The following SHE variants were observed in gnomAD, a reference collection of about 807,000 sequenced individuals.
The protein encoded by SHE is Src homology 2 domain containing E, also known as SH2 domain-containing adapter protein E.
In SHE, 11 loss-of-function variants were observed where a neutral mutation model predicts 49.8. The ratio of observed to expected loss-of-function variants is 0.22; its 90% CI spans 0.14 to 0.37. The LOEUF is 0.37. Ranked by LOEUF, SHE falls within the 10% of genes least tolerant of loss-of-function variation. The pLI, the probability that SHE is intolerant of heterozygous loss-of-function variation, is 1.00. For synonymous variants in SHE, 310 were observed against 278.1 expected (o/e 1.11, Z -1.14); for missense variants, 624 against 655.5 (o/e 0.95, Z 0.52).
At chr1:154,488,261 T>A (rs1032894248) in intron 3 of SHE, among the ~76,000 whole-genome samples, 14 of 151,316 alleles carry the variant, frequency 9.3e-5, no homozygotes, top group African/African-American at 3.4e-4. Context: ...TTTGTATAAT[T>A]ATTATTATTA....
intron 2 of SHE, among the ~76,000 whole-genome samples, chr1:154,492,036 G>C (rs867390590): frequency 1.3e-5 from 2 of 152,262 alleles, no homozygotes. Context: ...GGTCCGTGGA[G>C]AAATGCCACT....
chr1:154,495,359 A>T (rs1692493616), intron 2 of SHE, among the ~76,000 whole-genome samples: 1 of 152,266 alleles, frequency 6.6e-6, no homozygotes, highest in Non-Finnish European at 1.5e-5. Flanking sequence ...ACAGAGGTTT[A>T]TATTAATATT....
rs955480037 is a variant in SHE at position 154,480,913 on chromosome 1, A to AT, written c.*3235dup. On this transcript the variant is annotated 3_prime_UTR_variant, in exon 6 of 6. Coordinates refer to ENST00000304760, the MANE Select transcript of SHE (RefSeq NM_001010846.3). ...ACTTGTCCAGTCATCGCAAGCAAGT[A>AT]TTTTTTTTAAAGAAGGTGTGATCAA... The AT allele has an allele frequency of 2.3e-4, 223 of 985,060 alleles. No homozygotes were observed. Among genetic ancestry groups the AT allele is most frequent in the Non-Finnish European group, 2.6e-4 (218 of 829,830 alleles). The allele number at this position is 985,060 out of a possible 1,614,324, so 61.0% of individuals were successfully genotyped here.
intron 2 of SHE, among the ~76,000 whole-genome samples, chr1:154,493,900 G>A (rs931832460): frequency 5.9e-5 from 9 of 152,156 alleles, no homozygotes; most frequent in African/African-American, 1.9e-4. Flanking sequence ...TGACAGATGT[G>A]TTACCCCATT....
At position 154,494,074 on chromosome 1, in the gene SHE, C is replaced by G. The variant is rs549214427; in HGVS notation, c.719-4718G>C. Reference sequence around the variant, plus strand: ...TCCCCTAATCCATTTTAACCCATTTCATGTTTCCAAAACATTAAACTTGGA... The same window carrying G: ...TCCCCTAATCCATTTTAACCCATTTGATGTTTCCAAAACATTAAACTTGGA... On this transcript the variant is annotated intron_variant, in intron 2 of 5. Coordinates refer to ENST00000304760, the MANE Select transcript of SHE (RefSeq NM_001010846.3). Among the ~76,000 whole-genome samples, 10 of 152,172 alleles carry G rather than the reference C, an allele frequency of 6.6e-5. No individual in the cohort carries two copies. The South Asian group carries it at 2.1e-3, about 31-fold the overall frequency.
At chr1:154,492,064 A>G (rs1394598526) in intron 2 of SHE, among the ~76,000 whole-genome samples, 4 of 152,200 alleles carry the variant, frequency 2.6e-5, no homozygotes, top group African/African-American at 9.6e-5. Flanking sequence ...TAAGACCTCT[A>G]TAACAAAAAG....
chr1:154,472,645 T>C (rs984624985), intron 1 of SHE, among the ~76,000 whole-genome samples: 1 of 152,194 alleles, frequency 6.6e-6, no homozygotes, highest in African/African-American at 2.4e-5. Flanking sequence ...CACAGTAGCA[T>C]GAGTGTAAGT....
rs941510764 is a variant in SHE, at chr1:154,481,323, A to C, written c.*2826T>G. ...ACCTCTGACTTCCCACTAATTTACT[A>C]TATTTCTTCTTATAACCTCCTGTAC... On this transcript the variant is annotated 3_prime_UTR_variant, in exon 6 of 6. Coordinates refer to ENST00000304760, the MANE Select transcript of SHE (RefSeq NM_001010846.3). The C allele has an allele frequency of 3.0e-6, 3 of 985,320 alleles. No individual in the cohort carries two copies. Among genetic ancestry groups the C allele is most frequent in the East Asian group, 1.1e-4 (1 of 8,832 alleles). 61.0% of individuals were successfully genotyped at this position (985,320 alleles called of 1,614,324 possible).
intron 2 of SHE, among the ~76,000 whole-genome samples, chr1:154,494,244 G>A (rs1202813727): frequency 6.6e-6 from 1 of 151,972 alleles, no homozygotes; most frequent in Non-Finnish European, 1.5e-5. Flanking sequence ...AACAAAAGCA[G>A]GTACAATTCA....
exon 2 of SHE, chr1:154,470,250 C>T: frequency 1.6e-6 from 2 of 1,228,856 alleles, no homozygotes; most frequent in African/African-American, 1.5e-5. Context: ...CGGGAGTGGG[C>T]ACTGGAGCCA....
At chr1:154,475,253 C>T (rs2149286926), downstream of SHE, among the ~76,000 whole-genome samples, 1 of 152,314 alleles carries the variant, frequency 6.6e-6, no homozygotes, top group East Asian at 1.9e-4. Context: ...ACGGCGTGAT[C>T]TTGGCTCACC....
chr1:154,493,701 T>C (rs967103146), intron 2 of SHE, among the ~76,000 whole-genome samples: 1 of 152,200 alleles, frequency 6.6e-6, no homozygotes, highest in Non-Finnish European at 1.5e-5. Context: ...CAAGAAAGTC[T>C]TAGCAGAAGA....
chr1:154,481,453 A>T lies in SHE; in HGVS notation c.*2696T>A. 2.0e-6 allele frequency: 2 copies of T among 985,458 alleles called. No homozygotes were observed. The highest frequency in any genetic ancestry group is 2.4e-6 in the Non-Finnish European group (2 of 829,924). 61.0% of individuals were successfully genotyped at this position (985,458 alleles called of 1,614,324 possible). ...CACAGAGAAACAGTATAGAAGAAGCATAATACTGGGCATATGACAGAAGCT... is the reference window on the plus strand; with the variant it reads ...CACAGAGAAACAGTATAGAAGAAGCTTAATACTGGGCATATGACAGAAGCT... On this transcript the variant is annotated 3_prime_UTR_variant, in exon 6 of 6. Coordinates refer to ENST00000304760, the MANE Select transcript of SHE (RefSeq NM_001010846.3).
At chr1:154,500,472 T>C (rs191526127) in intron 1 of SHE, among the ~76,000 whole-genome samples, 3 of 152,362 alleles carry the variant, frequency 2.0e-5, no homozygotes, top group Admixed American at 2.0e-4. Context: ...GCATGTGTTA[T>C]GGGCTCTTGA....
rs879428406 is a variant in SHE, at chr1:154,482,358, T to C, written c.*1791A>G. 45 of 985,206 alleles carry C rather than the reference T, an allele frequency of 4.6e-5. No homozygotes were observed. The highest frequency in any genetic ancestry group is 5.3e-5 in the Non-Finnish European group (44 of 829,914). 61.0% of individuals were successfully genotyped at this position (985,206 alleles called of 1,614,324 possible). A position where few individuals can be genotyped will look rare whatever the true frequency, so the allele number is the denominator to read the frequency against. ...ATCATTGTGTTCCAGTGAGGAAAAG[T>C]TCCTCTTAAATTTTTAAAATCAAAG... On this transcript the variant is annotated 3_prime_UTR_variant, in exon 6 of 6. Transcript: ENST00000304760.
intron 2 of SHE, among the ~76,000 whole-genome samples, chr1:154,491,842 T>C (rs988865547): frequency 4.6e-5 from 7 of 151,986 alleles, no homozygotes; most frequent in African/African-American, 1.7e-4. Flanking sequence ...GGACGGCAGA[T>C]TGAAAACGAG....
chr1:154,489,499 G>T, intron 2 of SHE, 143 bp from the exon 3 acceptor site: 1 of 1,025,574 alleles, frequency 9.8e-7, no homozygotes, highest in Non-Finnish European at 1.4e-6. Flanking sequence ...CTCCAAGATT[G>T]CTCCCTGATA....
rs1267947078 is a variant in SHE, at chr1:154,480,143, A to G, written c.*4006T>C. 1 of 985,350 alleles carries G rather than the reference A, an allele frequency of 1.0e-6. No individual in the cohort carries two copies. The highest frequency in any genetic ancestry group is 1.7e-5 in the African/African-American group (1 of 57,250). The allele number at this position is 985,350 out of a possible 1,614,324, so 61.0% of individuals were successfully genotyped here. A position where few individuals can be genotyped will look rare whatever the true frequency, so the allele number is the denominator to read the frequency against. Reference sequence around the variant, plus strand: ...GGGCACAAAAATTGGAAATGAGAATACAGAAGAGTGATTCTAACCAGGTCA... The same window carrying G: ...GGGCACAAAAATTGGAAATGAGAATGCAGAAGAGTGATTCTAACCAGGTCA... On this transcript the variant is annotated 3_prime_UTR_variant, in exon 6 of 6. Coordinates refer to ENST00000304760, the MANE Select transcript of SHE (RefSeq NM_001010846.3).
chr1:154,495,581 T>C (rs1692503187), intron 2 of SHE, among the ~76,000 whole-genome samples: 2 of 152,118 alleles, frequency 1.3e-5, no homozygotes, highest in Non-Finnish European at 2.9e-5. Flanking sequence ...CTGGCTCCTA[T>C]TCTCAACTTC....
Sources: allele counts gnomAD v4.1 joint callset (sites outside exome capture counted in the v4.1 genomes callset), GRCh38; gene constraint gnomAD v4.1.1; transcripts MANE v1.5; gene names NCBI Gene and HGNC (gene_info 2026-07-23, HGNC 2026-07-21).